Variants in RAB38 observed in about 807,000 individuals in gnomAD.
The protein encoded by RAB38 is ras-related protein Rab-38.
In RAB38, 15 loss-of-function variants were observed where a neutral mutation model predicts 18.4. The ratio of observed to expected loss-of-function variants is 0.82; its 90% CI spans 0.55 to 1.26. RAB38 has a LOEUF of 1.26. Among genes scored for constraint, RAB38 ranks in the 50% most tolerant of loss-of-function variants. RAB38 has a pLI of 0.00. For missense variants in RAB38, 294 were observed against 267.4 expected, an observed-to-expected ratio of 1.10 and a Z score of -0.69; for synonymous variants, 101 against 104.4, an observed-to-expected ratio of 0.97 and a Z score of 0.20.
intron 1 of RAB38, among the ~76,000 whole-genome samples, chr11:88,150,797 A>T (rs566176036): frequency 6.6e-6 from 1 of 152,254 alleles, no homozygotes; most frequent in South Asian, 2.1e-4. Flanking sequence ...AAATACTCTC[A>T]ACCACTAAAT....
the RAB38 span, among the ~76,000 whole-genome samples, chr11:87,955,675 T>TATCA: frequency 1.2e-4 from 17 of 138,840 alleles, no homozygotes; most frequent in African/African-American, 4.7e-4. Flanking sequence ...ATCATCTATC[T>TATCA]ATCAATCAAT....
At chr11:87,808,073 T>G in the RAB38 span, among the ~76,000 whole-genome samples, 1 of 152,262 alleles carries the variant, frequency 6.6e-6, no homozygotes, top group South Asian at 2.1e-4. Context: ...GGACAAACCT[T>G]AATTTGGTAT....
the RAB38 span, among the ~76,000 whole-genome samples, chr11:87,920,910 A>G: frequency 1.3e-5 from 2 of 152,068 alleles, no homozygotes; most frequent in Non-Finnish European, 2.9e-5. Context: ...TAAATATAGC[A>G]GAACACCACA....
At chr11:87,940,272 G>A in the RAB38 span, among the ~76,000 whole-genome samples, 2 of 151,900 alleles carry the variant, frequency 1.3e-5, no homozygotes, top group Non-Finnish European at 2.9e-5. Context: ...ATTGTGACAT[G>A]GTCTTAGTCT....
At chr11:87,878,694 C>T in the RAB38 span, among the ~76,000 whole-genome samples, 47 of 151,754 alleles carry the variant, frequency 3.1e-4, no homozygotes, top group African/African-American at 1.1e-3. Context: ...TCATGTAATA[C>T]CACATATGGG....
chr11:88,106,043 AAC>A, the RAB38 span, among the ~76,000 whole-genome samples: 1 of 152,286 alleles, frequency 6.6e-6, no homozygotes, highest in East Asian at 1.9e-4. Flanking sequence ...TGGAAACAGA[AAC>A]AGTCTTCTTT....
the RAB38 span, among the ~76,000 whole-genome samples, chr11:88,074,552 G>C: frequency 6.6e-6 from 1 of 151,890 alleles, no homozygotes; most frequent in African/African-American, 2.4e-5. Context: ...ACCTATAATA[G>C]ATTTATTAAA....
At chr11:87,972,389 T>A in the RAB38 span, among the ~76,000 whole-genome samples, 2 of 152,096 alleles carry the variant, frequency 1.3e-5, no homozygotes, top group East Asian at 3.9e-4. Context: ...GTGGGGATAA[T>A]CAGAATATAC....
chr11:88,027,068 TAACA>T, the RAB38 span, among the ~76,000 whole-genome samples: 4 of 152,234 alleles, frequency 2.6e-5, no homozygotes, highest in African/African-American at 7.2e-5. Context: ...ATATTTTTGA[TAACA>T]ATCAGACCAT....
intron 2 of RAB38, among the ~76,000 whole-genome samples, chr11:88,130,931 G>T (rs1942760380): frequency 6.6e-6 from 1 of 152,084 alleles, no homozygotes; most frequent in Non-Finnish European, 1.5e-5. Flanking sequence ...TCAGTTCATT[G>T]TTGGTAAGTA....
chr11:88,117,910 C>T (rs1275778753), intron 2 of RAB38, among the ~76,000 whole-genome samples: 12 of 152,072 alleles, frequency 7.9e-5, no homozygotes, highest in Admixed American at 7.9e-4. Context: ...ACAAGTTAAC[C>T]ATCAGAAGAA....
chr11:87,920,452 T>A, the RAB38 span, among the ~76,000 whole-genome samples: 1 of 152,076 alleles, frequency 6.6e-6, no homozygotes, highest in African/African-American at 2.4e-5. Flanking sequence ...TTTTCTGATA[T>A]TTTTCCTATT....
the RAB38 span, among the ~76,000 whole-genome samples, chr11:87,850,288 GTTC>G: frequency 2.0e-5 from 3 of 152,006 alleles, no homozygotes; most frequent in Non-Finnish European, 4.4e-5. Context: ...GAAAAAGGTC[GTTC>G]TTCTCTCTTC....
At chr11:87,919,807 T>A in the RAB38 span, among the ~76,000 whole-genome samples, 1 of 152,056 alleles carries the variant, frequency 6.6e-6, no homozygotes, top group Non-Finnish European at 1.5e-5. Flanking sequence ...TCAGATTTTC[T>A]GTTTCTTCAT....
chr11:87,975,130 A>G, the RAB38 span, among the ~76,000 whole-genome samples: 1 of 151,788 alleles, frequency 6.6e-6, no homozygotes, highest in Non-Finnish European at 1.5e-5. Flanking sequence ...TTCTCTGTGT[A>G]TTTCTCTGCA....
At chr11:87,963,275 C>T in the RAB38 span, among the ~76,000 whole-genome samples, 1 of 152,122 alleles carries the variant, frequency 6.6e-6, no homozygotes, top group Admixed American at 6.5e-5. Context: ...TGTTTAGGTG[C>T]TTCTTTGATC....
chr11:88,107,970 T>A, the RAB38 span, among the ~76,000 whole-genome samples: 1 of 152,322 alleles, frequency 6.6e-6, no homozygotes, highest in East Asian at 1.9e-4. Context: ...TTGATTGCAC[T>A]GTGGTCTGAG....
chr11:87,949,884 G>C, the RAB38 span, among the ~76,000 whole-genome samples: 480 of 152,296 alleles, frequency 3.2e-3, 5 homozygotes, highest in African/African-American at 0.011. Context: ...GGGGTGGAGA[G>C]TTCTGTAGAT....
At chr11:87,892,750 C>T in the RAB38 span, among the ~76,000 whole-genome samples, 3 of 151,808 alleles carry the variant, frequency 2.0e-5, no homozygotes, top group South Asian at 2.1e-4. Context: ...TTTAAGATTC[C>T]GCTCAGGTAC....
Sources: allele counts gnomAD v4.1 joint callset (sites outside exome capture counted in the v4.1 genomes callset), GRCh38; gene constraint gnomAD v4.1.1; transcripts MANE v1.5; gene names NCBI Gene and HGNC (gene_info 2026-07-23, HGNC 2026-07-21).